The following NRXN3 variants were observed in gnomAD, a reference collection of about 807,000 sequenced individuals.
NRXN3 encodes neurexin 3.
NRXN3 carries 32 observed loss-of-function variants against 137.6 expected under a neutral mutation model. The ratio of observed to expected loss-of-function variants is 0.23; its 90% CI spans 0.18 to 0.31. NRXN3 has a LOEUF of 0.31. NRXN3 is among the 10% of genes least tolerant of loss of function. The probability of loss-of-function intolerance (pLI) is 1.00; values close to 1 mark genes in which losing one functional copy is unlikely to be tolerated. For missense variants in NRXN3, 1,574 were observed against 2,062.5 expected, an observed-to-expected ratio of 0.76 and a Z score of 4.59; for synonymous variants, 798 against 784.5, an observed-to-expected ratio of 1.02 and a Z score of -0.29.
chr14:79,759,714 A>G (rs963687183), intron 19 of NRXN3, among the ~76,000 whole-genome samples: 1 of 151,732 alleles, frequency 6.6e-6, no homozygotes, highest in African/African-American at 2.4e-5. Context: ...CAAGCTTGGT[A>G]ATAAAGTTAT....
intron 16 of NRXN3, among the ~76,000 whole-genome samples, chr14:79,571,487 T>C (rs141902119): frequency 0.012 from 1,765 of 152,100 alleles, 20 homozygotes; most frequent in Middle Eastern, 0.048. Context: ...ATGAGAGAAA[T>C]GAAGGCAGTC....
At chr14:79,111,319 T>C (rs1207897585) in intron 15 of NRXN3, among the ~76,000 whole-genome samples, 1 of 152,210 alleles carries the variant, frequency 6.6e-6, no homozygotes, top group Non-Finnish European at 1.5e-5. Context: ...AAATACTCAC[T>C]GTCCACTGTG....
intron 20 of NRXN3, among the ~76,000 whole-genome samples, chr14:79,827,900 T>C (rs984691208): frequency 2.6e-5 from 4 of 152,100 alleles, no homozygotes; most frequent in African/African-American, 9.7e-5. Context: ...TTCACCATGT[T>C]GGACAGGCTG....
At chr14:78,995,675 A>T (rs189589862) in intron 15 of NRXN3, among the ~76,000 whole-genome samples, 32 of 152,362 alleles carry the variant, frequency 2.1e-4, no homozygotes, top group African/African-American at 7.5e-4. Flanking sequence ...CATGACTCAT[A>T]CAAATATAAT....
At chr14:79,634,056 CGAAA>C (rs770522677) in intron 16 of NRXN3, among the ~76,000 whole-genome samples, 18 of 152,038 alleles carry the variant, frequency 1.2e-4, no homozygotes, top group African/African-American at 4.1e-4. Flanking sequence ...GCTATCCTCA[CGAAA>C]GAGTGTTACT....
At chr14:78,185,961 G>T (rs2060194326) in intron 1 of NRXN3, among the ~76,000 whole-genome samples, 1 of 152,182 alleles carries the variant, frequency 6.6e-6, no homozygotes, top group African/African-American at 2.4e-5. Context: ...AGCATGGTAT[G>T]TATTGGTGCA....
At chr14:79,763,369 T>A (rs1215903079) in intron 19 of NRXN3, among the ~76,000 whole-genome samples, 1 of 151,776 alleles carries the variant, frequency 6.6e-6, no homozygotes, top group Non-Finnish European at 1.5e-5. Flanking sequence ...GATTTATACA[T>A]ACGTGTGCAT....
At chr14:78,559,748 G>T (rs965662095) in intron 4 of NRXN3, among the ~76,000 whole-genome samples, 1 of 152,218 alleles carries the variant, frequency 6.6e-6, no homozygotes, top group Non-Finnish European at 1.5e-5. Flanking sequence ...GGAAAAAGTT[G>T]ATTTGGACTT....
intron 15 of NRXN3, among the ~76,000 whole-genome samples, chr14:79,168,696 T>C (rs1425429998): frequency 1.3e-5 from 2 of 151,868 alleles, no homozygotes; most frequent in African/African-American, 2.4e-5. Context: ...GTATTCTTCT[T>C]GAAGCCTGTG....
intron 15 of NRXN3, among the ~76,000 whole-genome samples, chr14:79,267,072 A>G (rs147032383): frequency 9.9e-4 from 151 of 152,348 alleles, no homozygotes; most frequent in Middle Eastern, 3.4e-3. Context: ...ACTAATTATT[A>G]TCCAGTAGTC....
intron 15 of NRXN3, among the ~76,000 whole-genome samples, chr14:79,090,524 A>G (rs1207982765): frequency 1.3e-5 from 2 of 152,002 alleles, no homozygotes; most frequent in Non-Finnish European, 2.9e-5. Context: ...TCAAGTGATC[A>G]TGCATCTGTT....
At chr14:79,479,177 T>C (rs1465228238) in intron 16 of NRXN3, among the ~76,000 whole-genome samples, 1 of 152,150 alleles carries the variant, frequency 6.6e-6, no homozygotes, top group African/African-American at 2.4e-5. Context: ...TACTAAACTT[T>C]TTTGAAAATA....
intron 15 of NRXN3, among the ~76,000 whole-genome samples, chr14:79,192,147 A>G (rs1045921315): frequency 7.9e-5 from 12 of 152,162 alleles, no homozygotes; most frequent in Non-Finnish European, 1.0e-4. Context: ...TCGGCCTCCC[A>G]AAGTGCTGGG....
chr14:78,249,524 G>A (rs1203697803), intron 2 of NRXN3, among the ~76,000 whole-genome samples: 1 of 152,052 alleles, frequency 6.6e-6, no homozygotes, highest in Admixed American at 6.5e-5. Context: ...TGGGGGATGG[G>A]ACTACCATGA....
chr14:78,830,674 A>G (rs2098979150), intron 10 of NRXN3, among the ~76,000 whole-genome samples: 2 of 151,902 alleles, frequency 1.3e-5, no homozygotes, highest in African/African-American at 4.8e-5. Context: ...TAATAATAAA[A>G]TAGTATTTAG....
At chr14:79,163,243 C>A (rs1224574103) in intron 15 of NRXN3, among the ~76,000 whole-genome samples, 1 of 151,930 alleles carries the variant, frequency 6.6e-6, no homozygotes, top group Non-Finnish European at 1.5e-5. Context: ...TTACCACAAT[C>A]CAACCTCACT....
At chr14:79,319,113 T>G (rs1265858117) in intron 15 of NRXN3, among the ~76,000 whole-genome samples, 1 of 152,192 alleles carries the variant, frequency 6.6e-6, no homozygotes, top group Non-Finnish European at 1.5e-5. Context: ...TATGTTACAG[T>G]CTGTTTCTGA....
intron 10 of NRXN3, among the ~76,000 whole-genome samples, chr14:78,876,855 A>G (rs899210721): frequency 2.0e-5 from 3 of 152,200 alleles, no homozygotes; most frequent in African/African-American, 7.2e-5. Context: ...AAAGCACTCA[A>G]TAAATGTTAG....
At chr14:78,392,185 T>C (rs1480574154) in intron 4 of NRXN3, among the ~76,000 whole-genome samples, 3 of 152,184 alleles carry the variant, frequency 2.0e-5, no homozygotes, top group African/African-American at 7.2e-5. Flanking sequence ...GGCTACATCA[T>C]GCTGACAAAT....
Sources: allele counts gnomAD v4.1 joint callset (sites outside exome capture counted in the v4.1 genomes callset), GRCh38; gene constraint gnomAD v4.1.1; transcripts MANE v1.5; gene names NCBI Gene and HGNC (gene_info 2026-07-23, HGNC 2026-07-21).